Variants in SDK1 observed in about 807,000 individuals in gnomAD.
SDK1 encodes the protein sidekick cell adhesion molecule 1.
A neutral mutation model predicts 245.5 loss-of-function variants in SDK1; 157 were observed. The ratio of observed to expected loss-of-function variants is 0.64; its 90% confidence interval spans 0.56 to 0.73. The LOEUF is 0.73. Ranked by LOEUF, SDK1 falls within the 30% of genes least tolerant of loss-of-function variation. The pLI, the probability that SDK1 is intolerant of heterozygous loss-of-function variation, is 0.00. For missense variants in SDK1, 3,583 were observed against 3,002.3 expected (o/e 1.19, Z -4.52); for synonymous variants, 1,647 against 1,278.5 (o/e 1.29, Z -6.15).
intron 1 of SDK1, among the ~76,000 whole-genome samples, chr7:3,551,352 G>A (rs1779403903): frequency 6.6e-6 from 1 of 152,118 alleles, no homozygotes; most frequent in South Asian, 2.1e-4. Flanking sequence ...ATGTTCATAT[G>A]TTATACGATA....
chr7:4,268,582 G>T lies in SDK1; in HGVS notation c.*3198G>T. The stretch of plus-strand genomic sequence containing the variant: ...GCTCACTCTGTACAGGTCTTCGGAG[G>T]CCGTGTTTGTATCTAACTGTGACTG... On this transcript the variant is annotated 3_prime_UTR_variant, in exon 45 of 45. Coordinates refer to ENST00000404826, the MANE Select transcript of SDK1 (RefSeq NM_152744.4). The T allele has an allele frequency of 8.9e-6, 12 of 1,354,064 alleles. No individual in the cohort carries two copies. Among genetic ancestry groups the T allele is most frequent in the Non-Finnish European group, 1.1e-5 (11 of 1,014,564 alleles). The allele number at this position is 1,354,064 out of a possible 1,614,324, so 83.9% of individuals were successfully genotyped here. A position where few individuals can be genotyped will look rare whatever the true frequency, so the allele number is the denominator to read the frequency against.
At chr7:3,638,947 G>T in intron 2 of SDK1, 57 bp from the exon 3 acceptor site, 1 of 1,010,198 alleles carries the variant, frequency 9.9e-7, no homozygotes, top group South Asian at 1.5e-5. Flanking sequence ...CTGATGGTTA[G>T]ATATAACCAT....
At chr7:3,851,015 AAAG>A (rs969966109) in intron 5 of SDK1, among the ~76,000 whole-genome samples, 4 of 152,244 alleles carry the variant, frequency 2.6e-5, no homozygotes, top group African/African-American at 9.6e-5. Flanking sequence ...AACAAAAAAA[AAAG>A]AAGACACCTT....
intron 4 of SDK1, among the ~76,000 whole-genome samples, chr7:3,810,337 C>CT (rs146388888): frequency 9.4e-5 from 14 of 149,272 alleles, no homozygotes; most frequent in East Asian, 2.0e-4. Flanking sequence ...AATCATGTTT[C>CT]TTTTTTTTTT....
intron 14 of SDK1, among the ~76,000 whole-genome samples, chr7:3,993,755 CCTCT>C (rs1784514008): frequency 6.6e-6 from 1 of 152,096 alleles, no homozygotes; most frequent in Admixed American, 6.6e-5. Context: ...CAAAGCTCTC[CCTCT>C]CTCCTGGCTT....
At chr7:4,089,212 C>T (rs1220061262) in intron 22 of SDK1, among the ~76,000 whole-genome samples, 2 of 152,162 alleles carry the variant, frequency 1.3e-5, no homozygotes, top group South Asian at 2.1e-4. Flanking sequence ...GGAGGTGAGA[C>T]CCTCCCTCAA....
At chr7:4,021,656 G>A (rs1786906658) in intron 17 of SDK1, among the ~76,000 whole-genome samples, 2 of 152,314 alleles carry the variant, frequency 1.3e-5, no homozygotes, top group Admixed American at 6.5e-5. Context: ...CAAGGAGAAA[G>A]CCTCAGGGTT....
At chr7:3,552,848 G>A (rs1197161611) in intron 1 of SDK1, among the ~76,000 whole-genome samples, 1 of 152,180 alleles carries the variant, frequency 6.6e-6, no homozygotes, top group African/African-American at 2.4e-5. Flanking sequence ...ATTCAGAAGT[G>A]GAAGGTAAGT....
In SDK1 at chr7:4,268,591, G is replaced by T; in HGVS notation, c.*3207G>T. 3 of 1,361,214 alleles carry T rather than the reference G, an allele frequency of 2.2e-6. No individual in the cohort carries two copies. Among genetic ancestry groups the T allele is most frequent in the Non-Finnish European group, 2.0e-6 (2 of 1,018,250 alleles). The allele number at this position is 1,361,214 out of a possible 1,614,324, so 84.3% of individuals were successfully genotyped here. On this transcript the variant is annotated 3_prime_UTR_variant, in exon 45 of 45. Transcript: ENST00000404826. ...GTACAGGTCTTCGGAGGCCGTGTTT[G>T]TATCTAACTGTGACTGGGCTGAAGC... is the stretch of plus-strand genomic sequence containing the variant.
intron 30 of SDK1, among the ~76,000 whole-genome samples, chr7:4,152,051 C>G (rs541799210): frequency 6.6e-6 from 1 of 152,234 alleles, no homozygotes; most frequent in Admixed American, 6.5e-5. Context: ...CAACCCTTGG[C>G]TGCCTGCTAG....
At chr7:3,547,458 T>A (rs1339483469) in intron 1 of SDK1, among the ~76,000 whole-genome samples, 1 of 152,256 alleles carries the variant, frequency 6.6e-6, no homozygotes, top group Non-Finnish European at 1.5e-5. Context: ...GCCGTTATGA[T>A]TAATAAACAC....
intron 14 of SDK1, among the ~76,000 whole-genome samples, chr7:4,006,272 C>T (rs1476374677): frequency 6.6e-6 from 1 of 152,118 alleles, no homozygotes; most frequent in Non-Finnish European, 1.5e-5. Flanking sequence ...ACTAAGAAAA[C>T]GAAAGTGTAG....
intron 38 of SDK1, among the ~76,000 whole-genome samples, chr7:4,211,306 C>T (rs890437591): frequency 7.9e-5 from 12 of 152,070 alleles, no homozygotes; most frequent in African/African-American, 2.4e-4. Context: ...CAGGTGAAAA[C>T]GGAAGGTGGA....
intron 5 of SDK1, among the ~76,000 whole-genome samples, chr7:3,910,924 G>A (rs537927779): frequency 3.9e-5 from 6 of 152,138 alleles, no homozygotes; most frequent in African/African-American, 1.4e-4. Flanking sequence ...CCTCTTCCTG[G>A]GGCCCTGTGG....
intron 5 of SDK1, among the ~76,000 whole-genome samples, chr7:3,903,292 C>T (rs7805865): frequency 0.048 from 7,224 of 151,874 alleles, 553 homozygotes; most frequent in African/African-American, 0.16. Context: ...TACAGGTGCC[C>T]GCCACCATGG....
rs779043667 is a variant in SDK1, at chr7:3,798,562, G to A, written c.714-22888G>A. 3.4e-4 allele frequency among the ~76,000 whole-genome samples: 51 copies of A among 152,114 alleles called. 1 individual carries two copies. Among genetic ancestry groups the A allele is most frequent in the South Asian group, 6.2e-4 (3 of 4,820 alleles). On this transcript the variant is annotated intron_variant, in intron 4 of 44. Coordinates refer to ENST00000404826, the MANE Select transcript of SDK1 (RefSeq NM_152744.4). ...GTGCTGACCCGTTGCTTTTTAAAACGTCCCTCGATTTGGACTTGTCTGATG... is the reference window on the plus strand; with the variant it reads ...GTGCTGACCCGTTGCTTTTTAAAACATCCCTCGATTTGGACTTGTCTGATG...
intron 18 of SDK1, 70 bp downstream of exon 18, chr7:4,049,533 G>A (rs1789284712): frequency 1.7e-6 from 2 of 1,175,052 alleles, no homozygotes; most frequent in Admixed American, 1.8e-5. Flanking sequence ...CGCAGCTGGA[G>A]GCACCCCCTC....
At chr7:4,126,627 A>G (rs576241421) in intron 25 of SDK1, among the ~76,000 whole-genome samples, 1 of 152,362 alleles carries the variant, frequency 6.6e-6, no homozygotes, top group Admixed American at 6.5e-5. Context: ...AGGCTGAGAC[A>G]GGAGAATGGC....
chr7:3,324,257 G>C (rs551932366), intron 1 of SDK1, among the ~76,000 whole-genome samples: 1 of 152,134 alleles, frequency 6.6e-6, no homozygotes, highest in African/African-American at 2.4e-5. Flanking sequence ...TTATTAAAAT[G>C]TATATATGGA....
Sources: allele counts gnomAD v4.1 joint callset (sites outside exome capture counted in the v4.1 genomes callset), GRCh38; gene constraint gnomAD v4.1.1; transcripts MANE v1.5; gene names NCBI Gene and HGNC (gene_info 2026-07-23, HGNC 2026-07-21).